Variants in GAS2L2 observed in about 807,000 individuals in gnomAD.
GAS2L2 encodes GAS2-like protein 2.
GAS2L2 carries 21 observed loss-of-function variants against 35.2 expected under a neutral mutation model. The observed-to-expected ratio is 0.60, with a 90% CI of 0.42 to 0.86. The LOEUF (loss-of-function observed/expected upper bound fraction) is 0.86, where lower values mean the gene tolerates loss of function less well. Ranked by LOEUF, GAS2L2 falls within the 40% of genes least tolerant of loss-of-function variation. The pLI is 0.00. For missense variants in GAS2L2, 1,169 were observed against 1,144.4 expected (o/e 1.02, Z -0.31); for synonymous variants, 490 against 473.2 (o/e 1.04, Z -0.46).
In GAS2L2 at chr17:35,749,603, G is replaced by A. The variant is rs2085690760; in HGVS notation, c.628-386C>T. 3.3e-5 allele frequency among the ~76,000 whole-genome samples: 5 copies of A among 152,232 alleles called. No homozygotes were observed. The South Asian group carries it at 1.0e-3, about 32-fold the overall frequency. On this transcript the variant is annotated intron_variant, in intron 2 of 5. Coordinates refer to ENST00000604641, the MANE Select transcript of GAS2L2 (RefSeq NM_139285.4). ...TGAAGTGGCCCTCTGTGCAGACCCT[G>A]TTCCAAACACTTTGTATGTGCTGGC...
At chr17:35,751,655 T>G (rs78160050) in intron 1 of GAS2L2, among the ~76,000 whole-genome samples, 3,152 of 147,302 alleles carry the variant, frequency 0.021, 72 homozygotes, top group East Asian at 0.12. Flanking sequence ...GTGACAGATC[T>G]AGACTCAGTT....
rs137860977 is a variant in GAS2L2 at position 35,745,500 on chromosome 17, A to C, written c.1997T>G (p.Leu666Arg). Residue 666 changes from leucine to arginine, a missense_variant, in exon 6 of 6, where the codon CTT becomes CGT. Physicochemically the swap from Leu to Arg is moderately radical, Grantham distance 102. Around this residue, in one of 3 missense-constraint regions of GAS2L2, gnomAD observed 1,035 missense variants for 976.5 expected, o/e 1.06. Transcript: ENST00000604641. ...QELAQGSPSLLKVDLEAWKAA... is the reference protein window; with the variant it reads ...QELAQGSPSLRKVDLEAWKAA... ...CTTCCAGGCTTCCAGGTCCACTTTA[A>C]GGAGGGATGGGGACCCCTGAGCCAG... 6.2e-7 allele frequency: 1 copy of C among 1,606,658 alleles called. No homozygotes were observed. The highest frequency in any genetic ancestry group is 1.7e-5 in the Admixed American group (1 of 59,590).
intron 5 of GAS2L2, 21 bp downstream of exon 5, chr17:35,746,995 A>G (rs2143021689): frequency 6.6e-7 from 1 of 1,522,184 alleles, no homozygotes; most frequent in East Asian, 2.3e-5. Context: ...AAAGAGCCCC[A>G]TCCCTGTCTC....
At position 35,752,600 on chromosome 17, in the gene GAS2L2, G is replaced by A; in HGVS notation, c.251C>T (p.Pro84Leu). ...CATGGGAATCTTCTGGGCTTGGGCAGGTGCCTCAGCCAGGAAGGCCAGGGC... is the reference window on the plus strand; with the variant it reads ...CATGGGAATCTTCTGGGCTTGGGCAAGTGCCTCAGCCAGGAAGGCCAGGGC... ...DAALAFLAEA[P>L]AQAQKIPMPR... Residue 84 changes from proline to leucine, a missense_variant, in exon 1 of 6, where the codon CCT becomes CTT. Pro to Leu is a moderately conservative substitution (Grantham distance 98). Coordinates refer to ENST00000604641, the MANE Select transcript of GAS2L2 (RefSeq NM_139285.4). 3 of 1,613,794 alleles carry A rather than the reference G, an allele frequency of 1.9e-6. No individual in the cohort carries two copies. The highest frequency in any genetic ancestry group is 2.5e-6 in the Non-Finnish European group (3 of 1,179,678).
At position 35,745,929 on chromosome 17, in the gene GAS2L2, G is replaced by A. The variant is rs1441975487; in HGVS notation, c.1568C>T (p.Thr523Ile). The change falls in exon 6 of 6, where the codon ACA becomes ATA. Residue 523 changes from threonine (T) to isoleucine (I), a missense_variant. Coordinates refer to ENST00000604641, the MANE Select transcript of GAS2L2 (RefSeq NM_139285.4). ...AAGTTCTGTCCTGGGACTTCCACTT[G>A]TAGCACCAGGAAAGCTCCTTCCTGG... ...PTPGRSFPGA[T>I]SGSPRTELGR... 6.2e-7 allele frequency: 1 copy of A among 1,611,216 alleles called. No individual in the cohort carries two copies. The highest frequency in any genetic ancestry group is 8.5e-7 in the Non-Finnish European group (1 of 1,178,630).
intron 1 of GAS2L2, among the ~76,000 whole-genome samples, chr17:35,751,902 GT>G (rs1555599832): frequency 4.4e-5 from 6 of 136,208 alleles, no homozygotes; most frequent in Non-Finnish European, 9.1e-5. Flanking sequence ...TGTCACCCAG[GT>G]TGGAGTGCAG....
At position 35,747,903 on chromosome 17, in the gene GAS2L2, C is replaced by G. The variant is rs914534605; in HGVS notation, c.778G>C (p.Asp260His). The G allele has an allele frequency of 5.6e-6, 9 of 1,613,898 alleles. No homozygotes were observed. The highest frequency in any genetic ancestry group is 7.6e-6 in the Non-Finnish European group (9 of 1,179,916). ...HVMVRVGGGW[D>H]TLGHYLDKHD... The stretch of plus-strand genomic sequence containing the variant: ...TTGTCCAGGTAATGGCCCAGTGTGT[C>G]CCAGCCGCCCCCTACACGTACCATC... Residue 260 changes from aspartate to histidine, a missense_variant, in exon 4 of 6, where the codon GAC (aspartate) becomes CAC (histidine). Asp to His is a moderately conservative substitution (Grantham distance 81). Around this residue, in one of 3 missense-constraint regions of GAS2L2, gnomAD observed 1,035 missense variants for 976.5 expected, o/e 1.06. Transcript: ENST00000604641.
Position 35,746,203 on chromosome 17 carries a change from C to T in GAS2L2, c.1294G>A (p.Ala432Thr), listed in dbSNP as rs139833672. ...AGTCTTTGTGGGGTGGGGTTCCCGG[C>T]GTCGGTTCCCCAGCTGTCTGTTTCT... ...HEETDSWGTD[A>T]GNPTPQRLRA... is the part of the protein sequence containing the mutation. Residue 432 changes from alanine (A) to threonine (T), a missense_variant, in exon 6 of 6, where the codon GCC becomes ACC. This residue lies in a region of GAS2L2 where 1,035 missense variants were observed against 976.5 expected (regional missense o/e 1.06). Coordinates refer to ENST00000604641, the MANE Select transcript of GAS2L2 (RefSeq NM_139285.4). 2.8e-5 allele frequency: 42 copies of T among 1,478,558 alleles called. 1 individual carries two copies. In the African/African-American group the frequency reaches 3.9e-4, roughly 14 times the overall value. The allele number at this position is 1,478,558 out of a possible 1,614,324, so 91.6% of individuals were successfully genotyped here.
At chr17:35,746,485 T>C (rs2085669577) in intron 5 of GAS2L2, 74 bp from the exon 6 acceptor site, 1 of 1,026,340 alleles carries the variant, frequency 9.7e-7, no homozygotes, top group Non-Finnish European at 1.3e-6. Flanking sequence ...GGTCCCTGGC[T>C]TTGGGAAGTG....
At chr17:35,746,655 A>G (rs190976462) in intron 5 of GAS2L2, among the ~76,000 whole-genome samples, 16 of 152,294 alleles carry the variant, frequency 1.1e-4, no homozygotes, top group African/African-American at 3.9e-4. Context: ...AGGAAGCCTG[A>G]TCCTGGCCTG....
rs1253337161 is a variant in GAS2L2, at chr17:35,750,230, C to G, written c.474G>C (p.Ala158=). 6.2e-7 allele frequency: 1 copy of G among 1,613,760 alleles called. No homozygotes were observed. Among genetic ancestry groups the G allele is most frequent in the African/African-American group, 1.3e-5 (1 of 74,928 alleles). The change falls in exon 2 of 6, where the codon GCG becomes GCC. Residue 158 remains alanine (A), a synonymous_variant. Coordinates refer to ENST00000604641, the MANE Select transcript of GAS2L2 (RefSeq NM_139285.4). The part of the protein sequence containing the change: ...VLCLLELGRR[A]WRFGVAAPTL... ...TGGGCGCCGCAACACCAAAGCGCCA[C>G]GCCCGGCGGCCCAGCTCCAGCAAAC...
At chr17:35,746,909 G>T in intron 5 of GAS2L2, 107 bp downstream of exon 5, 1 of 1,181,048 alleles carries the variant, frequency 8.5e-7, no homozygotes, top group Non-Finnish European at 1.2e-6. Flanking sequence ...GTGGTCTCGG[G>T]GTAGAGGCAC....
At chr17:35,747,415 CGGGAGGGGCTTAG>C (rs1876087238) in intron 4 of GAS2L2, 147 bp from the exon 5 acceptor site, 1 of 937,428 alleles carries the variant, frequency 1.1e-6, no homozygotes, top group Non-Finnish European at 1.6e-6. Context: ...AGTTTCTTTA[CGGGAGGGGCTTAG>C]GGGACCCAGC....
chr17:35,746,323 CT>C lies in GAS2L2; in HGVS notation c.1173del (p.Gly392AlafsTer109), dbSNP rs1555598991. Reference protein sequence around the residue: ...PPSPQSSSTQKGRDPQCTSSG... With the variant: ...PPSPQSSSTQXGRDPQCTSSG... ...GACGAGGTACACTGTGGGTCTCGGC[CT>C]TTTTGGGTAGATGAGGACTGGGGGC... On this transcript the variant is annotated frameshift_variant, in exon 6 of 6. Coordinates refer to ENST00000604641, the MANE Select transcript of GAS2L2 (RefSeq NM_139285.4). LOFTEE classifies it low-confidence loss of function (END_TRUNC). 2 of 1,395,810 alleles carry C rather than the reference CT, an allele frequency of 1.4e-6. No individual in the cohort carries two copies. The highest frequency in any genetic ancestry group is 2.3e-5 in the South Asian group (1 of 43,626). 86.5% of individuals were successfully genotyped at this position (1,395,810 alleles called of 1,614,324 possible).
rs782734912 is a variant in GAS2L2 at position 35,745,094 on chromosome 17, A to G, written c.2403T>C (p.Tyr801=). Reference sequence around the variant, plus strand: ...GCTGCCTGGCTGGACCCAGGAAGACATAGGCCAGTGGCCTGGGGATTCGTG... The same window carrying G: ...GCTGCCTGGCTGGACCCAGGAAGACGTAGGCCAGTGGCCTGGGGATTCGTG... The part of the protein sequence containing the change: ...QPSRIPRPLA[Y]VFLGPARQPP... The change falls in exon 6 of 6, where the codon TAT becomes TAC. Residue 801 remains tyrosine, a synonymous_variant. Coordinates refer to ENST00000604641, the MANE Select transcript of GAS2L2 (RefSeq NM_139285.4). 2 of 1,613,556 alleles carry G rather than the reference A, an allele frequency of 1.2e-6. No homozygotes were observed. The highest frequency in any genetic ancestry group is 2.7e-5 in the African/African-American group (2 of 74,942).
rs373436768 is a variant in GAS2L2 at position 35,747,071 on chromosome 17, G to A, written c.1030C>T (p.Arg344Cys). Residue 344 changes from arginine (R) to cysteine (C), a missense_variant, in exon 5 of 6, where the codon CGC (arginine) becomes TGC (cysteine). Arg to Cys is a radical substitution (Grantham distance 180). Around this residue, in one of 3 missense-constraint regions of GAS2L2, gnomAD observed 1,035 missense variants for 976.5 expected, o/e 1.06. Transcript: ENST00000604641. ...CCCGTCCCTGCTCCCCGTTCCCTGC[G>A]GGGTCTGGGGGAGGATGGGGTGGGG... is the stretch of plus-strand genomic sequence containing the variant. ...RPPTPSSPRP[R>C]RERGAGTGAS... The A allele has an allele frequency of 7.5e-6, 12 of 1,609,920 alleles. No homozygotes were observed. The highest frequency in any genetic ancestry group is 5.5e-5 in the South Asian group (5 of 90,662).
chr17:35,749,039 T>C (rs782283311), intron 3 of GAS2L2, 71 bp downstream of exon 3: 58 of 905,860 alleles, frequency 6.4e-5, no homozygotes, highest in Non-Finnish European at 9.5e-5. Context: ...CTGGGAGACT[T>C]AGTGTCATTG....
Position 35,752,718 on chromosome 17 carries a change from G to A in GAS2L2, c.133C>T (p.Leu45Phe). Residue 45 changes from leucine to phenylalanine, a missense_variant, in exon 1 of 6, where the codon CTC becomes TTC. This residue lies in a region of GAS2L2 where 127 missense variants were observed against 146.1 expected (regional missense o/e 0.87). Coordinates refer to ENST00000604641, the MANE Select transcript of GAS2L2 (RefSeq NM_139285.4). ...GCTGCGTCGATGTCCAGCCCATAGA[G>A]GTCGCGAAGCCACTCAGCCAGGTCT... ...KEDLAEWLRD[L>F]YGLDIDAANF... 1 of 1,613,974 alleles carries A rather than the reference G, an allele frequency of 6.2e-7. No homozygotes were observed. Among genetic ancestry groups the A allele is most frequent in the South Asian group, 1.1e-5 (1 of 91,092 alleles).
Position 35,745,982 on chromosome 17 carries a change from G to A in GAS2L2, c.1515C>T (p.Ile505=). 6.3e-7 allele frequency: 1 copy of A among 1,597,390 alleles called. No homozygotes were observed. The highest frequency in any genetic ancestry group is 8.5e-7 in the Non-Finnish European group (1 of 1,169,878). ...TPVQGLTKIP[I]RLPPARPPTP... is the part of the protein sequence containing the mutation. ...TTGGGGGGCGAGCAGGGGGCAGCCG[G>A]ATGGGGATCTTGGTTAGGCCTTGGA... Residue 505 remains isoleucine, a synonymous_variant, in exon 6 of 6, where the codon ATC becomes ATT. Coordinates refer to ENST00000604641, the MANE Select transcript of GAS2L2 (RefSeq NM_139285.4).
Sources: allele counts gnomAD v4.1 joint callset (sites outside exome capture counted in the v4.1 genomes callset), GRCh38; gene constraint gnomAD v4.1.1; regional missense constraint gnomAD v4.1.1; transcripts MANE v1.5; gene names NCBI Gene and HGNC (gene_info 2026-07-23, HGNC 2026-07-21).